The following CNTN6 variants were observed in gnomAD, a reference collection of about 807,000 sequenced individuals.
CNTN6 encodes contactin-6.
A neutral mutation model predicts 122.8 loss-of-function variants in CNTN6; 137 were observed. The observed-to-expected ratio is 1.12, with a 90% CI of 0.97 to 1.29. CNTN6 has a LOEUF of 1.29. Among genes scored for constraint, CNTN6 ranks in the 50% most tolerant of loss-of-function variants. The probability of loss-of-function intolerance (pLI) is 0.00; values close to 1 mark genes in which losing one functional copy is unlikely to be tolerated. For synonymous variants in CNTN6, 570 were observed against 426.0 expected (o/e 1.34, Z -4.16); for missense variants, 1,634 against 1,223.4 (o/e 1.34, Z -5.01).
At chr3:1,333,164 G>A (rs112849057) in intron 11 of CNTN6, among the ~76,000 whole-genome samples, 2,157 of 152,022 alleles carry the variant, frequency 0.014, 40 homozygotes, top group Non-Finnish European at 0.016. Flanking sequence ...AATATATTAG[G>A]AGCCAGGGAC....
intron 1 of CNTN6, among the ~76,000 whole-genome samples, chr3:1,126,075 T>C (rs2092148076): frequency 6.6e-6 from 1 of 151,802 alleles, no homozygotes; most frequent in East Asian, 1.9e-4. Flanking sequence ...TCTCAAGCAA[T>C]ATTATTTACC....
intron 19 of CNTN6, 76 bp downstream of exon 19, chr3:1,383,484 T>G (rs17038463): frequency 0.05 from 52,785 of 1,055,964 alleles, 1,765 homozygotes; most frequent in African/African-American, 0.13. Flanking sequence ...AACAGTCCTA[T>G]CCTACTAGCC....
intron 20 of CNTN6, among the ~76,000 whole-genome samples, chr3:1,395,325 G>A (rs58961065): frequency 0.019 from 2,918 of 152,250 alleles, 104 homozygotes; most frequent in African/African-American, 0.067. Flanking sequence ...TCAGGAGTTA[G>A]ACAGGGGTTT....
At chr3:1,101,453 A>G (rs1394778669) in intron 1 of CNTN6, among the ~76,000 whole-genome samples, 6 of 152,130 alleles carry the variant, frequency 3.9e-5, no homozygotes, top group African/African-American at 1.4e-4. Flanking sequence ...TTCACGTTGC[A>G]TGGTGCCGTG....
chr3:1,276,599 C>T (rs1692411323), intron 4 of CNTN6, among the ~76,000 whole-genome samples: 1 of 152,290 alleles, frequency 6.6e-6, no homozygotes, highest in Non-Finnish European at 1.5e-5. Context: ...AACGTCCCTA[C>T]ATTTTTTATA....
At chr3:1,299,455 A>G (rs937147333) in intron 7 of CNTN6, among the ~76,000 whole-genome samples, 2 of 152,198 alleles carry the variant, frequency 1.3e-5, no homozygotes, top group Admixed American at 6.5e-5. Flanking sequence ...GTCTTCCACA[A>G]TAAAATAATT....
chr3:1,333,652 C>T (rs1702635043), intron 11 of CNTN6, among the ~76,000 whole-genome samples: 1 of 152,036 alleles, frequency 6.6e-6, no homozygotes, highest in African/African-American at 2.4e-5. Context: ...CTAACTCTTG[C>T]AGCCAATAAA....
intron 4 of CNTN6, among the ~76,000 whole-genome samples, chr3:1,264,123 G>A (rs1416932063): frequency 6.6e-6 from 1 of 152,068 alleles, no homozygotes; most frequent in Non-Finnish European, 1.5e-5. Context: ...GGGGCTTTAA[G>A]TAATTTAGTA....
rs1345466023 is a variant in CNTN6, at chr3:1,196,041, A to G, written c.56-24646A>G. Among the ~76,000 whole-genome samples the G allele has an allele frequency of 2.6e-5, 4 of 152,188 alleles. No individual in the cohort carries two copies. The East Asian group carries it at 7.7e-4, about 29-fold the overall frequency. On this transcript the variant is annotated intron_variant, in intron 2 of 22. Coordinates refer to ENST00000446702, the MANE Select transcript of CNTN6 (RefSeq NM_001289080.2). ...AGAGACAATGAAAGGTTAGGTTCTT[A>G]TTGCCCCATCTCATTATTGTTAATG...
intron 11 of CNTN6, among the ~76,000 whole-genome samples, chr3:1,343,819 C>T (rs1704244716): frequency 6.6e-6 from 1 of 152,100 alleles, no homozygotes; most frequent in Non-Finnish European, 1.5e-5. Context: ...AATCAAGCAA[C>T]TGCTCCTAAA....
In CNTN6 at chr3:1,278,561, T is replaced by C. The variant is rs1692828719; in HGVS notation, c.454+53T>C. 7 of 1,248,802 alleles carry C rather than the reference T, an allele frequency of 5.6e-6. No homozygotes were observed. The African/African-American group carries it at 7.5e-5, about 13-fold the overall frequency. The allele number at this position is 1,248,802 out of a possible 1,614,324, so 77.4% of individuals were successfully genotyped here. On this transcript the variant is annotated intron_variant, in intron 5 of 22. Transcript: ENST00000446702. The stretch of plus-strand genomic sequence containing the variant: ...ATCAATGCGGTCACTTGGAGAGTGA[T>C]GTGAGCACATCAGGTCTTAGGCTCA...
At chr3:1,141,449 A>G (rs1171318907) in intron 1 of CNTN6, among the ~76,000 whole-genome samples, 1 of 152,182 alleles carries the variant, frequency 6.6e-6, no homozygotes, top group African/African-American at 2.4e-5. Context: ...CAGTAAGACA[A>G]CTAGAGAGAG....
intron 11 of CNTN6, among the ~76,000 whole-genome samples, chr3:1,332,533 G>GGAA (rs1559849838): frequency 7.2e-5 from 5 of 69,784 alleles, no homozygotes; most frequent in African/African-American, 9.8e-5. Flanking sequence ...GAAGGAAGGA[G>GGAA]GGAGGGAAGG....
At chr3:1,225,427 C>T (rs1171611861) in intron 3 of CNTN6, among the ~76,000 whole-genome samples, 2 of 152,096 alleles carry the variant, frequency 1.3e-5, no homozygotes, top group South Asian at 2.1e-4. Context: ...CATTTGCTGC[C>T]GCTAAGCCAA....
chr3:1,383,486 C>T (rs1024347433), intron 19 of CNTN6, 78 bp downstream of exon 19: 153 of 1,029,762 alleles, frequency 1.5e-4, no homozygotes, highest in Non-Finnish European at 1.4e-4. Flanking sequence ...CAGTCCTATC[C>T]TACTAGCCTG....
chr3:1,289,874 CCGTG>C (rs1695009607), intron 5 of CNTN6, among the ~76,000 whole-genome samples: 1 of 152,112 alleles, frequency 6.6e-6, no homozygotes, highest in Non-Finnish European at 1.5e-5. Flanking sequence ...CGGGGTTTCA[CCGTG>C]TTAGCCAGGA....
chr3:1,221,763 A>G (rs1481006126), intron 3 of CNTN6, among the ~76,000 whole-genome samples: 2 of 152,268 alleles, frequency 1.3e-5, no homozygotes, highest in African/African-American at 2.4e-5. Context: ...GAAACTTCAT[A>G]TGTAGTGTTA....
At chr3:1,230,094 G>A (rs1000977110) in intron 4 of CNTN6, among the ~76,000 whole-genome samples, 5 of 152,124 alleles carry the variant, frequency 3.3e-5, no homozygotes, top group African/African-American at 1.2e-4. Context: ...TGCATGAACT[G>A]TACCTTCATC....
At chr3:1,208,572 G>A (rs138763753) in intron 2 of CNTN6, among the ~76,000 whole-genome samples, 4 of 151,958 alleles carry the variant, frequency 2.6e-5, no homozygotes, top group East Asian at 3.9e-4. Flanking sequence ...ATTGTAGTTC[G>A]TTAATTGTTT....
Sources: allele counts gnomAD v4.1 joint callset (sites outside exome capture counted in the v4.1 genomes callset), GRCh38; gene constraint gnomAD v4.1.1; transcripts MANE v1.5; gene names NCBI Gene and HGNC (gene_info 2026-07-23, HGNC 2026-07-21).